Variants in CSGALNACT1 observed in about 807,000 individuals in gnomAD.
CSGALNACT1 encodes the protein beta4GalNAcT-1.
A neutral mutation model predicts 51.0 loss-of-function variants in CSGALNACT1; 52 were observed. The ratio of observed to expected loss-of-function variants is 1.02; its 90% confidence interval spans 0.82 to 1.29. The LOEUF (loss-of-function observed/expected upper bound fraction) is 1.29, where lower values mean the gene tolerates loss of function less well. Ranked by LOEUF, CSGALNACT1 falls within the 50% of genes most tolerant of loss-of-function variation. The pLI is 0.00. For synonymous variants in CSGALNACT1, 341 were observed against 254.4 expected, an observed-to-expected ratio of 1.34 and a Z score of -3.24; for missense variants, 935 against 679.2, an observed-to-expected ratio of 1.38 and a Z score of -4.19.
chr8:19,458,732 T>A, intron 4 of CSGALNACT1, 90 bp from the exon 4 acceptor site: 1 of 1,183,056 alleles, frequency 8.5e-7, no homozygotes, highest in Non-Finnish European at 1.3e-6. Flanking sequence ...AGAATGCCTT[T>A]AAAAAGTGTT....
At chr8:19,561,996 C>T (rs142186388) in intron 3 of CSGALNACT1, among the ~76,000 whole-genome samples, 1 of 152,144 alleles carries the variant, frequency 6.6e-6, no homozygotes, top group African/African-American at 2.4e-5. Context: ...TATCCTCCAC[C>T]GTGGCTTCCA....
chr8:19,529,476 C>T (rs1194344482), intron 3 of CSGALNACT1, among the ~76,000 whole-genome samples: 1 of 152,188 alleles, frequency 6.6e-6, no homozygotes, highest in African/African-American at 2.4e-5. Context: ...GCTCTTATCT[C>T]CTGTTTCACT....
chr8:19,412,194 C>T (rs1248779038), intron 8 of CSGALNACT1, among the ~76,000 whole-genome samples: 6 of 152,168 alleles, frequency 3.9e-5, no homozygotes, highest in Non-Finnish European at 7.3e-5. Flanking sequence ...CTCTCTGCAG[C>T]ACCCACTTCC....
intron 1 of CSGALNACT1, among the ~76,000 whole-genome samples, chr8:19,639,876 GTTTTGT>G (rs2056536950): frequency 6.6e-6 from 1 of 151,796 alleles, no homozygotes; most frequent in Non-Finnish European, 1.5e-5. Flanking sequence ...GTTTTGTTTT[GTTTTGT>G]TTTTGTTTGT....
intron 1 of CSGALNACT1, among the ~76,000 whole-genome samples, chr8:19,730,195 C>G (rs1489206591): frequency 6.6e-6 from 1 of 152,060 alleles, no homozygotes; most frequent in Non-Finnish European, 1.5e-5. Flanking sequence ...ACATTAAAAG[C>G]CATCACACTC....
intron 2 of CSGALNACT1, among the ~76,000 whole-genome samples, chr8:19,598,962 C>A (rs4244454): frequency 1.9e-4 from 29 of 152,060 alleles, no homozygotes; most frequent in Non-Finnish European, 2.9e-4. Context: ...CAGGAACACA[C>A]TACCATTGAG....
At chr8:19,656,824 T>A (rs2058321768) in intron 1 of CSGALNACT1, among the ~76,000 whole-genome samples, 1 of 152,114 alleles carries the variant, frequency 6.6e-6, no homozygotes, top group Admixed American at 6.6e-5. Flanking sequence ...TCCCAGCACT[T>A]TGGGAGGCCA....
Position 19,426,594 on chromosome 8 carries a change from T to G in CSGALNACT1, c.954-6076A>C, listed in dbSNP as rs1298844338. 4.6e-5 allele frequency among the ~76,000 whole-genome samples: 7 copies of G among 152,336 alleles called. No individual in the cohort carries two copies. In the East Asian group the frequency reaches 1.3e-3, roughly 29 times the overall value. On this transcript the variant is annotated intron_variant, in intron 6 of 9. Transcript: ENST00000454498. Reference sequence around the variant, plus strand: ...CCACTAACATCACATGATTTGCTTATAATTATTTCTTTTTCTTTTCTTGAA... The same window carrying G: ...CCACTAACATCACATGATTTGCTTAGAATTATTTCTTTTTCTTTTCTTGAA...
chr8:19,564,598 C>A (rs2041515544), intron 3 of CSGALNACT1, among the ~76,000 whole-genome samples: 1 of 152,084 alleles, frequency 6.6e-6, no homozygotes, highest in African/African-American at 2.4e-5. Flanking sequence ...GGAAGAGCGG[C>A]CCTATATGCT....
At chr8:19,665,148 G>T (rs2059085808) in intron 1 of CSGALNACT1, among the ~76,000 whole-genome samples, 1 of 152,046 alleles carries the variant, frequency 6.6e-6, no homozygotes, top group Non-Finnish European at 1.5e-5. Context: ...TGAGTAGGTG[G>T]GATTACAGGC....
intron 1 of CSGALNACT1, among the ~76,000 whole-genome samples, chr8:19,630,893 C>G (rs1001324849): frequency 1.3e-5 from 2 of 152,146 alleles, no homozygotes; most frequent in African/African-American, 4.8e-5. Flanking sequence ...CGCCTCCCTA[C>G]AGTTTCCCCC....
chr8:19,742,329 G>A (rs28570547), intron 1 of CSGALNACT1, among the ~76,000 whole-genome samples: 12,389 of 152,228 alleles, frequency 0.081, 1,662 homozygotes, highest in African/African-American at 0.28. Flanking sequence ...CGTATAAACT[G>A]AATATTCAAG....
chr8:19,682,413 C>G (rs2060685837), intron 1 of CSGALNACT1: 2 of 339,184 alleles, frequency 5.9e-6, no homozygotes, highest in Admixed American at 3.8e-5. Context: ...CAGCACTCCC[C>G]AAACAGAAAG....
rs566370448 is a variant in CSGALNACT1, at chr8:19,529,008, T to C, written c.-296-22878A>G. The stretch of plus-strand genomic sequence containing the variant: ...TTTATTAAACCAAATGGCGAGTAGA[T>C]GGGGCTGTCATTCACAAAATTTTGA... On this transcript the variant is annotated intron_variant, in intron 3 of 9. Coordinates refer to ENST00000454498, the Ensembl canonical transcript of CSGALNACT1. Among the ~76,000 whole-genome samples the C allele has an allele frequency of 2.6e-5, 4 of 152,264 alleles. No individual in the cohort carries two copies. In the East Asian group the frequency reaches 7.7e-4, roughly 29 times the overall value.
Position 19,511,985 on chromosome 8 carries a change from G to A in CSGALNACT1, c.-296-5855C>T, listed in dbSNP as rs756721168. Among the ~76,000 whole-genome samples, 4 of 152,138 alleles carry A rather than the reference G, an allele frequency of 2.6e-5. No homozygotes were observed. In the South Asian group the frequency reaches 8.3e-4, roughly 32 times the overall value. ...AGCAAGTGGGAAATCTGCCCTCCAT[G>A]ATCCAATCATCTCCCACCAGGTCCC... On this transcript the variant is annotated intron_variant, in intron 3 of 9. Coordinates refer to ENST00000454498, the Ensembl canonical transcript of CSGALNACT1.
intron 1 of CSGALNACT1, among the ~76,000 whole-genome samples, chr8:19,731,855 C>T (rs753096827): frequency 2.0e-5 from 3 of 152,154 alleles, no homozygotes; most frequent in Non-Finnish European, 2.9e-5. Context: ...TAAACTGTTG[C>T]CATGGTTAAT....
chr8:19,700,209 T>C (rs1468178991), intron 1 of CSGALNACT1, among the ~76,000 whole-genome samples: 2 of 152,104 alleles, frequency 1.3e-5, no homozygotes, highest in Non-Finnish European at 2.9e-5. Flanking sequence ...GTTTTTTTTT[T>C]AGTAATATAA....
At chr8:19,720,156 T>C (rs772460849) in intron 1 of CSGALNACT1, among the ~76,000 whole-genome samples, 1 of 152,220 alleles carries the variant, frequency 6.6e-6, no homozygotes, top group Non-Finnish European at 1.5e-5. Context: ...CTGGAGCCAC[T>C]ACCCCTGTCC....
chr8:19,582,354 A>C (rs1339403899), intron 3 of CSGALNACT1, among the ~76,000 whole-genome samples: 2 of 152,220 alleles, frequency 1.3e-5, no homozygotes, highest in African/African-American at 4.8e-5. Context: ...TAAAACTTAC[A>C]ATGTACATTA....
Sources: allele counts gnomAD v4.1 joint callset (sites outside exome capture counted in the v4.1 genomes callset), GRCh38; gene constraint gnomAD v4.1.1; transcripts MANE v1.5; gene names NCBI Gene and HGNC (gene_info 2026-07-23, HGNC 2026-07-21).